The following MYRIP variants were observed in gnomAD, a reference collection of about 807,000 sequenced individuals.
MYRIP encodes the protein rab effector MyRIP.
In MYRIP, 49 loss-of-function variants were observed where a neutral mutation model predicts 98.0. The ratio of observed to expected loss-of-function variants is 0.50; its 90% CI spans 0.40 to 0.63. MYRIP has a LOEUF of 0.63. MYRIP is among the 30% of genes least tolerant of loss of function. The pLI, the probability that MYRIP is intolerant of heterozygous loss-of-function variation, is 0.00. For synonymous variants in MYRIP, 404 were observed against 409.5 expected (o/e 0.99, Z 0.16); for missense variants, 1,004 against 1,058.2 (o/e 0.95, Z 0.71).
chr3:40,081,235 TATG>T (rs1299703091), intron 3 of MYRIP, among the ~76,000 whole-genome samples: 2 of 152,272 alleles, frequency 1.3e-5, no homozygotes, highest in South Asian at 2.1e-4. Context: ...GTGTCTTATG[TATG>T]ATCTTTAGAT....
chr3:39,992,133 C>G (rs1404866606), intron 2 of MYRIP, among the ~76,000 whole-genome samples: 1 of 152,090 alleles, frequency 6.6e-6, no homozygotes, highest in African/African-American at 2.4e-5. Context: ...CACAATTAAC[C>G]CAAGAAATTG....
chr3:40,040,305 C>T (rs1028055877), intron 2 of MYRIP, among the ~76,000 whole-genome samples: 73 of 146,322 alleles, frequency 5.0e-4, no homozygotes, highest in Non-Finnish European at 8.4e-4. Flanking sequence ...GTTAGAATGG[C>T]AATCATTAAA....
At chr3:40,034,661 G>T (rs925095222) in intron 2 of MYRIP, among the ~76,000 whole-genome samples, 2 of 149,718 alleles carry the variant, frequency 1.3e-5, no homozygotes, top group Non-Finnish European at 3.0e-5. Flanking sequence ...GGAAGTGGGT[G>T]TGGTGATTCC....
At chr3:40,223,788 T>C (rs1952408798) in intron 11 of MYRIP, among the ~76,000 whole-genome samples, 1 of 152,122 alleles carries the variant, frequency 6.6e-6, no homozygotes, top group African/African-American at 2.4e-5. Flanking sequence ...AGAAAAAAGC[T>C]CCCTGAGCTC....
chr3:39,823,419 G>T (rs1941172566), intron 1 of MYRIP, among the ~76,000 whole-genome samples: 1 of 152,232 alleles, frequency 6.6e-6, no homozygotes, highest in African/African-American at 2.4e-5. Context: ...GCTTTTTGAG[G>T]AACCTCCATA....
intron 1 of MYRIP, among the ~76,000 whole-genome samples, chr3:39,833,749 G>C (rs112117311): frequency 6.6e-6 from 1 of 152,094 alleles, no homozygotes; most frequent in Non-Finnish European, 1.5e-5. Flanking sequence ...GGCCAGGCAC[G>C]GTGGCTCACG....
intron 2 of MYRIP, among the ~76,000 whole-genome samples, chr3:39,934,662 T>A (rs1261121651): frequency 6.6e-6 from 1 of 152,072 alleles, no homozygotes; most frequent in East Asian, 1.9e-4. Context: ...GGCTTTGGAG[T>A]CCAGCTGGGG....
intron 2 of MYRIP, among the ~76,000 whole-genome samples, chr3:39,920,199 T>C (rs1944276211): frequency 6.6e-6 from 1 of 152,260 alleles, no homozygotes; most frequent in Admixed American, 6.5e-5. Flanking sequence ...TCTTACTGGC[T>C]TAATTGTGAC....
chr3:40,093,679 C>G (rs751084877), intron 3 of MYRIP, among the ~76,000 whole-genome samples: 1 of 152,198 alleles, frequency 6.6e-6, no homozygotes, highest in African/African-American at 2.4e-5. Flanking sequence ...TCATTCTTGT[C>G]TCAACATTTT....
chr3:40,250,167 T>C (rs1489912399), intron 13 of MYRIP, 55 bp from the exon 14 acceptor site: 1 of 1,393,812 alleles, frequency 7.2e-7, no homozygotes, highest in Admixed American at 1.7e-5. Flanking sequence ...TTTTAAGAAA[T>C]ATTTTCCCCT....
At chr3:39,945,845 T>C (rs1306359249) in intron 2 of MYRIP, among the ~76,000 whole-genome samples, 1 of 152,100 alleles carries the variant, frequency 6.6e-6, no homozygotes, top group Non-Finnish European at 1.5e-5. Flanking sequence ...TAAAAGAAAT[T>C]ATAAAAAGTA....
At position 40,115,889 on chromosome 3, in the gene MYRIP, A is replaced by C. The variant is rs369927999; in HGVS notation, c.333-35159A>C. On this transcript the variant is annotated intron_variant, in intron 3 of 16. Transcript: ENST00000302541. ...CTCTCCAAGTGGGCTTCCGTAAGAG[A>C]TCACATATAAAACACCAAAACTAGG... Among the ~76,000 whole-genome samples the C allele has an allele frequency of 3.1e-4, 47 of 151,844 alleles. No individual in the cohort carries two copies. In the South Asian group the frequency reaches 9.1e-3, roughly 30 times the overall value.
Position 40,044,214 on chromosome 3 carries a change from G to C in MYRIP, c.275G>C (p.Cys92Ser). 1 of 1,614,206 alleles carries C rather than the reference G, an allele frequency of 6.2e-7. No homozygotes were observed. The highest frequency in any genetic ancestry group is 8.5e-7 in the Non-Finnish European group (1 of 1,180,024). Residue 92 changes from cysteine to serine, a missense_variant, in exon 3 of 17, where the codon TGC becomes TCC. Transcript: ENST00000302541. The part of the protein sequence containing the change: ...GDCKFNVCKS[C>S]CSYQKHEKAW... ...TGCAAATTCAATGTCTGCAAGAGCT[G>C]CTGCTCCTACCAGAAGCACGAAAAG... is the stretch of plus-strand genomic sequence containing the variant.
rs748198541 is a variant in MYRIP at position 40,167,165 on chromosome 3, C to T, written c.655C>T (p.Gln219Ter). The T allele has an allele frequency of 6.2e-7, 1 of 1,614,122 alleles. No individual in the cohort carries two copies. Among genetic ancestry groups the T allele is most frequent in the Non-Finnish European group, 8.5e-7 (1 of 1,180,016 alleles). ...CATTCTCTTCCCTCCTCAGGACAAG[C>T]AAAATGAGGCCAGTTACCTGCGGGA... ...AEAYGDSLDK[Q>*]NEASYLRDHK... The change falls in exon 7 of 17, where the codon CAA (glutamine) becomes TAA (stop). Residue 219 changes from glutamine (Q) to a stop codon, truncating the protein, a stop_gained. Coordinates refer to ENST00000302541, the MANE Select transcript of MYRIP (RefSeq NM_015460.4). LOFTEE classifies it high-confidence loss of function.
At chr3:39,908,823 G>T (rs991187962) in intron 2 of MYRIP, among the ~76,000 whole-genome samples, 1 of 152,192 alleles carries the variant, frequency 6.6e-6, no homozygotes, top group African/African-American at 2.4e-5. Context: ...CCTGAAGCTG[G>T]AAGACAGATC....
At chr3:39,867,092 C>G (rs1376374619) in intron 1 of MYRIP, among the ~76,000 whole-genome samples, 1 of 152,108 alleles carries the variant, frequency 6.6e-6, no homozygotes, top group Non-Finnish European at 1.5e-5. Flanking sequence ...ATAGTTTCTT[C>G]AGTAAGTGGT....
intron 2 of MYRIP, among the ~76,000 whole-genome samples, chr3:39,964,103 A>G (rs1945385343): frequency 6.6e-6 from 1 of 152,114 alleles, no homozygotes; most frequent in Non-Finnish European, 1.5e-5. Flanking sequence ...CAGTTCACCC[A>G]AGAATGTCAC....
intron 2 of MYRIP, among the ~76,000 whole-genome samples, chr3:39,905,025 C>G (rs78606642): frequency 0.026 from 4,020 of 152,176 alleles, 128 homozygotes; most frequent in East Asian, 0.089. Flanking sequence ...CCAAGACACA[C>G]AACAGGATTA....
At chr3:40,257,630 T>C (rs1268257445) in intron 16 of MYRIP, among the ~76,000 whole-genome samples, 1 of 152,190 alleles carries the variant, frequency 6.6e-6, no homozygotes, top group Non-Finnish European at 1.5e-5. Context: ...TCGGTGAAAT[T>C]TTCCTTGAAT....
Sources: allele counts gnomAD v4.1 joint callset (sites outside exome capture counted in the v4.1 genomes callset), GRCh38; gene constraint gnomAD v4.1.1; transcripts MANE v1.5; gene names NCBI Gene and HGNC (gene_info 2026-07-23, HGNC 2026-07-21).